SIAH1: variants seen among roughly 807,000 people sequenced by gnomAD.
The protein encoded by SIAH1 is siah E3 ubiquitin protein ligase 1, also known as E3 ubiquitin-protein ligase SIAH1.
A neutral mutation model predicts 20.0 loss-of-function variants in SIAH1; 2 were observed. That is an observed-to-expected ratio of 0.10 (90% CI 0.04 to 0.31). SIAH1 has a LOEUF of 0.31. Ranked by LOEUF, SIAH1 falls within the 10% of genes least tolerant of loss-of-function variation. The pLI, the probability that SIAH1 is intolerant of heterozygous loss-of-function variation, is 1.00. For missense variants in SIAH1, 119 were observed against 355.3 expected (o/e 0.33, Z 5.35); for synonymous variants, 118 against 125.3 (o/e 0.94, Z 0.39).
chr16:48,368,101 A>T (rs1412535287), intron 1 of SIAH1, among the ~76,000 whole-genome samples: 1 of 152,194 alleles, frequency 6.6e-6, no homozygotes, highest in East Asian at 1.9e-4. Context: ...CCTTTTATAA[A>T]TTACTTATAA....
chr16:48,378,073 C>T (rs1462859610), intron 1 of SIAH1, among the ~76,000 whole-genome samples: 1 of 152,008 alleles, frequency 6.6e-6, no homozygotes, highest in East Asian at 1.9e-4. Context: ...GAGTACAGGC[C>T]GGGCGCAGTG....
At chr16:48,377,258 A>G (rs1961133202) in intron 1 of SIAH1, among the ~76,000 whole-genome samples, 1 of 152,220 alleles carries the variant, frequency 6.6e-6, no homozygotes, top group South Asian at 2.1e-4. Flanking sequence ...AAAAAAAACC[A>G]AAAACAAAAC....
Position 48,361,992 on chromosome 16 carries a change from G to T in SIAH1, c.437C>A (p.Pro146His), listed in dbSNP as rs1175829802. Residue 146 changes from proline (P) to histidine (H), a missense_variant, in exon 2 of 2, where the codon CCC (proline) becomes CAC (histidine). Coordinates refer to ENST00000394725, the MANE Select transcript of SIAH1 (RefSeq NM_003031.4). ...KWQGSLDAVMPHLMHQHKSIT... is the reference protein window; with the variant it reads ...KWQGSLDAVMHHLMHQHKSIT... ...GGACTTATGCTGATGCATCAGATGG[G>T]GCATTACAGCATCCAGAGAGCCTTG... The T allele has an allele frequency of 2.5e-6, 4 of 1,613,964 alleles. No homozygotes were observed. The African/African-American group carries it at 5.3e-5, about 22-fold the overall frequency.
At chr16:48,366,803 A>C (rs1372646353) in intron 1 of SIAH1, among the ~76,000 whole-genome samples, 1 of 152,220 alleles carries the variant, frequency 6.6e-6, no homozygotes, top group African/African-American at 2.4e-5. Flanking sequence ...TCACTCTATT[A>C]AGTGTGTTCA....
intron 1 of SIAH1, chr16:48,363,928 C>T (rs948892608): frequency 6.5e-6 from 1 of 154,866 alleles, no homozygotes; most frequent in African/African-American, 2.6e-5. Flanking sequence ...AGTAACTCTA[C>T]TAAGCCATAA....
At chr16:48,365,547 C>T in intron 1 of SIAH1, 1 of 1,559,060 alleles carries the variant, frequency 6.4e-7, no homozygotes, top group Non-Finnish European at 8.6e-7. Flanking sequence ...GCTCTTTCTG[C>T]TCCTAAGCAC....
intron 1 of SIAH1, chr16:48,365,485 C>G (rs776154641): frequency 6.2e-7 from 1 of 1,612,048 alleles, no homozygotes; most frequent in Non-Finnish European, 8.5e-7. Context: ...CATGAGAAGT[C>G]AGGCCACGCA....
chr16:48,381,960 G>T (rs1251248668), intron 1 of SIAH1, among the ~76,000 whole-genome samples: 1 of 151,974 alleles, frequency 6.6e-6, no homozygotes, highest in Admixed American at 6.6e-5. Flanking sequence ...TAGGGGCAGG[G>T]GCTACACGCG....
At chr16:48,382,972 C>CA (rs1273143883) in intron 1 of SIAH1, among the ~76,000 whole-genome samples, 1 of 152,132 alleles carries the variant, frequency 6.6e-6, no homozygotes, top group Non-Finnish European at 1.5e-5. Flanking sequence ...TTCATAACTC[C>CA]AATTTAACCT....
intron 1 of SIAH1, among the ~76,000 whole-genome samples, chr16:48,377,683 G>T (rs971986784): frequency 6.6e-6 from 1 of 151,704 alleles, no homozygotes; most frequent in African/African-American, 2.4e-5. Context: ...GGCGTGAGCC[G>T]CCACGCTGAG....
At chr16:48,378,707 ATC>A (rs1555488363) in intron 1 of SIAH1, among the ~76,000 whole-genome samples, 1 of 152,104 alleles carries the variant, frequency 6.6e-6, no homozygotes, top group Non-Finnish European at 1.5e-5. Flanking sequence ...ACTTCACAGC[ATC>A]TCTCCTCTCT....
chr16:48,380,791 G>A (rs531632895), intron 1 of SIAH1, among the ~76,000 whole-genome samples: 5 of 151,970 alleles, frequency 3.3e-5, no homozygotes, highest in South Asian at 2.1e-4. Context: ...AGCCGGGCGT[G>A]GTGGTGTATG....
At chr16:48,373,987 T>C (rs568757183) in intron 1 of SIAH1, among the ~76,000 whole-genome samples, 1 of 152,296 alleles carries the variant, frequency 6.6e-6, no homozygotes, top group East Asian at 1.9e-4. Context: ...CTTTCAAATC[T>C]TTACTTGTTA....
chr16:48,374,087 C>T (rs1432399755), intron 1 of SIAH1, among the ~76,000 whole-genome samples: 1 of 152,180 alleles, frequency 6.6e-6, no homozygotes, highest in Non-Finnish European at 1.5e-5. Context: ...ATCTTTGGCC[C>T]ATCTCACGCC....
At chr16:48,365,745 A>G in intron 1 of SIAH1, 1 of 1,365,014 alleles carries the variant, frequency 7.3e-7, no homozygotes, top group Non-Finnish European at 9.4e-7. Context: ...ATGTGCCCTA[A>G]GCTTTCGTCT....
intron 1 of SIAH1, chr16:48,365,660 G>A: frequency 7.0e-7 from 1 of 1,432,082 alleles, no homozygotes; most frequent in Non-Finnish European, 9.1e-7. Flanking sequence ...ATCCCCAGGA[G>A]GCAACCACAC....
intron 1 of SIAH1, among the ~76,000 whole-genome samples, chr16:48,369,766 C>A (rs1474476611): frequency 1.3e-5 from 2 of 152,168 alleles, no homozygotes; most frequent in Non-Finnish European, 2.9e-5. Context: ...ACAATGCAAG[C>A]CCTTCAACAT....
chr16:48,366,891 G>C (rs988559853), intron 1 of SIAH1, among the ~76,000 whole-genome samples: 18 of 152,130 alleles, frequency 1.2e-4, no homozygotes, highest in Non-Finnish European at 1.5e-5. Flanking sequence ...AATAGACACA[G>C]TCAGCCCCAC....
chr16:48,378,650 C>T (rs1431066571), intron 1 of SIAH1, among the ~76,000 whole-genome samples: 2 of 152,190 alleles, frequency 1.3e-5, no homozygotes, highest in Non-Finnish European at 2.9e-5. Flanking sequence ...TCTAGGTATT[C>T]TCCTAGAATC....
Sources: gnomAD v4.1 joint callset for allele counts (sites outside exome capture counted in the v4.1 genomes callset) on GRCh38, gnomAD v4.1.1 for gene constraint, MANE v1.5 for transcripts, NCBI Gene and HGNC (gene_info 2026-07-23, HGNC 2026-07-21) for gene names.